The following MPP7 variants were observed in gnomAD, a reference collection of about 807,000 sequenced individuals.
MPP7 encodes the protein MAGUK p55 subfamily member 7.
A neutral mutation model predicts 76.5 loss-of-function variants in MPP7; 60 were observed. That is an observed-to-expected ratio of 0.78 (90% confidence interval 0.64 to 0.97). The LOEUF (loss-of-function observed/expected upper bound fraction) is 0.97. Ranked by LOEUF, MPP7 falls within the 50% of genes least tolerant of loss-of-function variation. The pLI, the probability that MPP7 is intolerant of heterozygous loss-of-function variation, is 0.00. For synonymous variants in MPP7, 237 were observed against 244.5 expected (o/e 0.97, Z 0.29); for missense variants, 641 against 694.0 (o/e 0.92, Z 0.86).
chr10:28,251,549 TA>T (rs1419634462), intron 1 of MPP7, among the ~76,000 whole-genome samples: 4 of 152,158 alleles, frequency 2.6e-5, no homozygotes, highest in Non-Finnish European at 5.9e-5. Flanking sequence ...GAATACACCC[TA>T]AGAAATAATC....
At chr10:28,262,737 G>A (rs1589000235) in intron 1 of MPP7, among the ~76,000 whole-genome samples, 1 of 152,116 alleles carries the variant, frequency 6.6e-6, no homozygotes, top group Non-Finnish European at 1.5e-5. Context: ...TACTTGAGTG[G>A]CTTGAGGAGA....
chr10:28,323,683 C>A (rs572770948), intron 2 of MPP7, among the ~76,000 whole-genome samples: 1 of 134,136 alleles, frequency 7.5e-6, no homozygotes, highest in Admixed American at 7.7e-5. Flanking sequence ...TGTTGCTACA[C>A]ACAAAAAATA....
chr10:28,173,151 G>A (rs11006910), intron 3 of MPP7, among the ~76,000 whole-genome samples: 15,168 of 151,472 alleles, frequency 0.1, 1,325 homozygotes, highest in East Asian at 0.44. Context: ...CTTCTGAAAG[G>A]AGAACCAGGG....
chr10:28,334,758 G>C (rs1003816713), upstream of MPP7, among the ~76,000 whole-genome samples: 1 of 152,144 alleles, frequency 6.6e-6, no homozygotes, highest in South Asian at 2.1e-4. Flanking sequence ...TTAAGCTAAA[G>C]ACAGAGTGGG....
chr10:28,085,283 C>T (rs925760420), intron 12 of MPP7, among the ~76,000 whole-genome samples: 4 of 152,170 alleles, frequency 2.6e-5, no homozygotes, highest in Non-Finnish European at 5.9e-5. Flanking sequence ...TCAGTTTCTT[C>T]ATCTGTAAAA....
intron 5 of MPP7, among the ~76,000 whole-genome samples, chr10:28,138,442 C>T (rs1835414606): frequency 6.6e-6 from 1 of 152,172 alleles, no homozygotes; most frequent in African/African-American, 2.4e-5. Flanking sequence ...TGGCTACTTA[C>T]TTTTACATTT....
upstream of MPP7, chr10:28,307,730 C>CT (rs1253859378): frequency 6.6e-6 from 1 of 152,218 alleles, no homozygotes; most frequent in Non-Finnish European, 1.5e-5. Flanking sequence ...CACAGTTAAA[C>CT]TTTCCCTCTG....
intron 2 of MPP7, among the ~76,000 whole-genome samples, chr10:28,319,947 C>T (rs1485127979): frequency 7.4e-6 from 1 of 135,250 alleles, no homozygotes; most frequent in African/African-American, 2.8e-5. Context: ...CAGAGACAGA[C>T]TCTCTCTCAA....
chr10:28,295,203 T>C (rs1841010488), intron 1 of MPP7, among the ~76,000 whole-genome samples: 1 of 152,206 alleles, frequency 6.6e-6, no homozygotes, highest in African/African-American at 2.4e-5. Flanking sequence ...ATTACTACCA[T>C]TTTGAAACTT....
chr10:28,259,227 A>G (rs890436591), intron 1 of MPP7, among the ~76,000 whole-genome samples: 2 of 152,152 alleles, frequency 1.3e-5, no homozygotes, highest in African/African-American at 4.8e-5. Flanking sequence ...TTTTTTACTT[A>G]ACAATTTTCT....
At chr10:28,152,829 A>G (rs1229336401) in intron 3 of MPP7, among the ~76,000 whole-genome samples, 1 of 152,172 alleles carries the variant, frequency 6.6e-6, no homozygotes, top group Admixed American at 6.5e-5. Flanking sequence ...AGACAAATAT[A>G]TAACCAAAGA....
chr10:28,331,361 G>C (rs1036571980), intron 1 of MPP7, among the ~76,000 whole-genome samples: 24 of 152,056 alleles, frequency 1.6e-4, no homozygotes, highest in African/African-American at 4.6e-4. Context: ...GCAGGAGAAG[G>C]TCTTGGAAAC....
chr10:28,102,689 A>G (rs1365204496), intron 11 of MPP7, among the ~76,000 whole-genome samples: 3 of 152,100 alleles, frequency 2.0e-5, no homozygotes, highest in Non-Finnish European at 4.4e-5. Context: ...TCCAAAAACC[A>G]TACACCCATC....
intron 12 of MPP7, among the ~76,000 whole-genome samples, chr10:28,076,829 A>T (rs1446596390): frequency 1.3e-5 from 2 of 151,754 alleles, no homozygotes; most frequent in African/African-American, 4.8e-5. Context: ...CAGAGGTTAC[A>T]CTGAGCTGAG....
intron 2 of MPP7, among the ~76,000 whole-genome samples, chr10:28,236,420 A>G (rs1485470032): frequency 1.3e-5 from 2 of 152,212 alleles, no homozygotes; most frequent in African/African-American, 2.4e-5. Context: ...AGCTTGGTGT[A>G]GAAAAAAAGC....
intron 11 of MPP7, among the ~76,000 whole-genome samples, chr10:28,102,759 T>C (rs553091482): frequency 1.3e-5 from 2 of 152,304 alleles, no homozygotes; most frequent in South Asian, 4.1e-4. Flanking sequence ...ATATCCAGAA[T>C]GGGACATTTT....
chr10:28,316,464 AAAAAAAAACT>A (rs1834321704), intron 2 of MPP7, among the ~76,000 whole-genome samples: 1 of 137,670 alleles, frequency 7.3e-6, no homozygotes, highest in African/African-American at 2.9e-5. Flanking sequence ...AAAAAAAAAA[AAAAAAAAACT>A]ATCTGAGAAA....
chr10:28,160,996 G>C (rs1836239751), intron 3 of MPP7, among the ~76,000 whole-genome samples: 1 of 152,148 alleles, frequency 6.6e-6, no homozygotes, highest in South Asian at 2.1e-4. Context: ...TTTTTCCAAA[G>C]TTCTGCCTTT....
At chr10:28,305,461 C>G (rs1589044845), upstream of MPP7, 1 of 151,804 alleles carries the variant, frequency 6.6e-6, no homozygotes, top group South Asian at 2.1e-4. Context: ...CTAGGAAGAA[C>G]CTACTGTTTA....
Sources: gnomAD v4.1 joint callset for allele counts (sites outside exome capture counted in the v4.1 genomes callset) on GRCh38, gnomAD v4.1.1 for gene constraint, MANE v1.5 for transcripts, NCBI Gene and HGNC (gene_info 2026-07-23, HGNC 2026-07-21) for gene names.